The following TPTE2 variants were observed in gnomAD, a reference collection of about 807,000 sequenced individuals.
The protein encoded by TPTE2 is transmembrane phosphoinositide 3-phosphatase and tensin homolog 2, also known as phosphatidylinositol 3,4,5-trisphosphate 3-phosphatase TPTE2.
Under a neutral mutation model 78.6 loss-of-function variants are expected in TPTE2, and 53 were observed. The ratio of observed to expected loss-of-function variants is 0.67; its 90% CI spans 0.54 to 0.85. The LOEUF (loss-of-function observed/expected upper bound fraction) is 0.85. TPTE2 is among the 40% of genes least tolerant of loss of function. The probability of loss-of-function intolerance (pLI) is 0.00; values close to 1 mark genes in which losing one functional copy is unlikely to be tolerated. For synonymous variants in TPTE2, 175 were observed against 206.2 expected (o/e 0.85, Z 1.30); for missense variants, 461 against 623.0 (o/e 0.74, Z 2.77).
intron 6 of TPTE2, among the ~76,000 whole-genome samples, chr13:19,469,005 C>T (rs756194005): frequency 1.4e-4 from 22 of 152,128 alleles, no homozygotes; most frequent in East Asian, 3.9e-4. Flanking sequence ...TCTTCTGCTA[C>T]GAAGCAGTTT....
intron 5 of TPTE2, among the ~76,000 whole-genome samples, chr13:19,474,282 T>C (rs988996435): frequency 6.6e-6 from 1 of 152,118 alleles, no homozygotes; most frequent in African/African-American, 2.4e-5. Context: ...ATAGAAGCAG[T>C]TCTTAATAAA....
upstream of TPTE2, chr13:19,503,399 A>T: frequency 9.8e-7 from 1 of 1,018,156 alleles, no homozygotes; most frequent in Non-Finnish European, 1.4e-6. Flanking sequence ...TCATGTGTAT[A>T]GCACTATTTG....
At chr13:19,544,940 A>ACACACACGTGCACACT in the TPTE2 span, among the ~76,000 whole-genome samples, 1 of 66,366 alleles carries the variant, frequency 1.5e-5, no homozygotes, top group South Asian at 5.2e-4. Flanking sequence ...ACACTCACAC[A>ACACACACGTGCACACT]CACACACACA....
At chr13:19,528,375 G>A (rs1463129394) in intron 1 of TPTE2, among the ~76,000 whole-genome samples, 3 of 144,436 alleles carry the variant, frequency 2.1e-5, no homozygotes, top group Admixed American at 7.0e-5. Context: ...CAACAAGAGC[G>A]AAACTCCATC....
intron 1 of TPTE2, among the ~76,000 whole-genome samples, chr13:19,496,162 G>A (rs1188888684): frequency 4.6e-5 from 7 of 152,250 alleles, no homozygotes; most frequent in Admixed American, 2.6e-4. Flanking sequence ...CACCGCACCC[G>A]ACCTTCCAAC....
At chr13:19,491,397 A>G (rs1282516686) in intron 3 of TPTE2, among the ~76,000 whole-genome samples, 5 of 152,234 alleles carry the variant, frequency 3.3e-5, no homozygotes, top group Non-Finnish European at 7.3e-5. Context: ...ATACATATAT[A>G]ATAAGTGAGG....
At chr13:19,478,615 A>C (rs955358147) in intron 4 of TPTE2, among the ~76,000 whole-genome samples, 34 of 152,228 alleles carry the variant, frequency 2.2e-4, no homozygotes, top group Non-Finnish European at 4.4e-4. Flanking sequence ...TTCCTCAAGG[A>C]TCTAAAACTA....
intron 1 of TPTE2, among the ~76,000 whole-genome samples, chr13:19,534,728 G>A (rs1755581628): frequency 6.6e-6 from 1 of 152,092 alleles, no homozygotes; most frequent in Non-Finnish European, 1.5e-5. Flanking sequence ...TTAAGATTTG[G>A]TTACTTAGAA....
the TPTE2 span, among the ~76,000 whole-genome samples, chr13:19,556,725 T>C: frequency 6.6e-6 from 1 of 152,056 alleles, no homozygotes; most frequent in Non-Finnish European, 1.5e-5. Flanking sequence ...AGGGGCTCAC[T>C]ATGTTGCCCA....
intron 18 of TPTE2, 36 bp from the exon 22 acceptor site, chr13:19,425,053 C>T (rs1875924457): frequency 9.5e-7 from 1 of 1,052,498 alleles, no homozygotes; most frequent in African/African-American, 1.6e-5. Context: ...AAAACTGACA[C>T]CAGGAACTAA....
intron 3 of TPTE2, among the ~76,000 whole-genome samples, chr13:19,484,119 A>G (rs1043900510): frequency 6.6e-6 from 1 of 152,252 alleles, no homozygotes; most frequent in South Asian, 2.1e-4. Flanking sequence ...ATACTTCTCA[A>G]TAACTGCTTT....
At chr13:19,527,114 T>A in intron 1 of TPTE2, among the ~76,000 whole-genome samples, 1 of 152,130 alleles carries the variant, frequency 6.6e-6, no homozygotes, top group East Asian at 1.9e-4. Flanking sequence ...AAGACCAGCC[T>A]GGCCAACATG....
chr13:19,463,699 G>A (rs1015499509), intron 10 of TPTE2, among the ~76,000 whole-genome samples: 5 of 152,034 alleles, frequency 3.3e-5, no homozygotes, highest in African/African-American at 9.7e-5. Context: ...TTTGACTTTG[G>A]TTCTGGGTGG....
chr13:19,526,355 TA>T (rs1448228273), intron 1 of TPTE2, among the ~76,000 whole-genome samples: 1 of 152,036 alleles, frequency 6.6e-6, no homozygotes, highest in Non-Finnish European at 1.5e-5. Context: ...TATGCAGCCA[TA>T]AAATAAAAAC....
chr13:19,517,615 G>A (rs1869885951), intron 1 of TPTE2, among the ~76,000 whole-genome samples: 1 of 152,210 alleles, frequency 6.6e-6, no homozygotes, highest in African/African-American at 2.4e-5. Context: ...AGAGAGGGCA[G>A]AGGATGGGAT....
chr13:19,430,588 C>G (rs1876505524), intron 16 of TPTE2, 41 bp from the exon 20 acceptor site: 1 of 1,442,290 alleles, frequency 6.9e-7, no homozygotes, highest in African/African-American at 1.4e-5. Flanking sequence ...GGTTGGTTAG[C>G]ATGAAGATCA....
At chr13:19,476,135 G>C (rs1160649969) in intron 4 of TPTE2, among the ~76,000 whole-genome samples, 1 of 152,132 alleles carries the variant, frequency 6.6e-6, no homozygotes, top group Non-Finnish European at 1.5e-5. Context: ...AGTCACATAT[G>C]AGGTTGCAAA....
Position 19,465,245 on chromosome 13 carries a change from T to C in TPTE2, c.676+10A>G. ...TAATACAAGTAAATCAACCATTAAG[T>C]GTCACAAACCTGTAACGTAAGTGAG... On this transcript the variant is annotated intron_variant, in intron 9 of 19. Coordinates refer to ENST00000400230, the Ensembl canonical transcript of TPTE2. 1.2e-6 allele frequency: 2 copies of C among 1,613,858 alleles called. No individual in the cohort carries two copies. The highest frequency in any genetic ancestry group is 1.7e-6 in the Non-Finnish European group (2 of 1,179,812).
chr13:19,489,152 A>C (rs539749807), intron 3 of TPTE2, among the ~76,000 whole-genome samples: 43 of 152,316 alleles, frequency 2.8e-4, no homozygotes, highest in Non-Finnish European at 5.3e-4. Context: ...GTGTTGCCCC[A>C]AAACAATTAC....
Sources: allele counts gnomAD v4.1 joint callset (sites outside exome capture counted in the v4.1 genomes callset), GRCh38; gene constraint gnomAD v4.1.1; transcripts MANE v1.5; gene names NCBI Gene and HGNC (gene_info 2026-07-23, HGNC 2026-07-21).